The following RASAL2 variants were observed in gnomAD, a reference collection of about 807,000 sequenced individuals.
RASAL2 encodes the protein ras GTPase-activating protein nGAP.
In RASAL2, 58 loss-of-function variants were observed where a neutral mutation model predicts 128.9. That is an observed-to-expected ratio of 0.45 (90% CI 0.36 to 0.56). The LOEUF (loss-of-function observed/expected upper bound fraction) is 0.56. Ranked by LOEUF, RASAL2 falls within the 20% of genes least tolerant of loss-of-function variation. RASAL2 has a pLI of 0.00. For missense variants in RASAL2, 1,360 were observed against 1,601.6 expected (o/e 0.85, Z 2.57); for synonymous variants, 561 against 580.8 (o/e 0.97, Z 0.49).
chr1:178,366,942 A>G (rs1237267869), intron 3 of RASAL2, among the ~76,000 whole-genome samples: 2 of 152,162 alleles, frequency 1.3e-5, no homozygotes, highest in East Asian at 3.9e-4. Context: ...AGTGACTGCT[A>G]ATGGACACAG....
intron 9 of RASAL2, among the ~76,000 whole-genome samples, chr1:178,447,863 T>TG (rs1296118211): frequency 6.6e-6 from 1 of 151,542 alleles, no homozygotes; most frequent in Admixed American, 6.6e-5. Flanking sequence ...CAGAGAATTG[T>TG]GGGGTGTTGT....
intron 1 of RASAL2, among the ~76,000 whole-genome samples, chr1:178,229,068 A>C (rs575930111): frequency 1.3e-5 from 2 of 152,198 alleles, no homozygotes; most frequent in African/African-American, 4.8e-5. Flanking sequence ...AACTGTGTAC[A>C]GTTTGCCCCA....
intron 5 of RASAL2, among the ~76,000 whole-genome samples, chr1:178,421,930 T>C (rs1675168671): frequency 6.6e-6 from 1 of 152,062 alleles, no homozygotes; most frequent in East Asian, 1.9e-4. Flanking sequence ...TTTTCTTAGT[T>C]TCCTGTTATT....
At chr1:178,127,799 G>A (rs137945219) in intron 1 of RASAL2, among the ~76,000 whole-genome samples, 1 of 152,118 alleles carries the variant, frequency 6.6e-6, no homozygotes, top group Non-Finnish European at 1.5e-5. Context: ...CTGATCAGGA[G>A]AATTGTACAT....
intron 1 of RASAL2, among the ~76,000 whole-genome samples, chr1:178,209,674 CTTTTCTCTCT>C (rs1663185507): frequency 2.0e-5 from 3 of 151,714 alleles, no homozygotes; most frequent in South Asian, 4.2e-4. Context: ...TTTATATCTC[CTTTTCTCTCT>C]TTTTCTCTCT....
chr1:178,427,800 G>C (rs1675612135), intron 5 of RASAL2, among the ~76,000 whole-genome samples: 1 of 151,998 alleles, frequency 6.6e-6, no homozygotes, highest in South Asian at 2.1e-4. Flanking sequence ...GCATGTGTGT[G>C]TGTGTAGTTC....
At chr1:178,285,059 AC>A (rs759854815) in intron 2 of RASAL2, among the ~76,000 whole-genome samples, 145 of 150,650 alleles carry the variant, frequency 9.6e-4, no homozygotes, top group Non-Finnish European at 1.7e-3. Context: ...TACCAATAAA[AC>A]AATTCCAGTT....
At chr1:178,113,511 AGT>A (rs61642582) in intron 1 of RASAL2, among the ~76,000 whole-genome samples, 13,527 of 121,390 alleles carry the variant, frequency 0.11, 730 homozygotes, top group East Asian at 0.16. Context: ...CATGCCTGCG[AGT>A]GTGTGTGTGT....
At chr1:178,108,226 T>C (rs1320400067) in intron 1 of RASAL2, among the ~76,000 whole-genome samples, 1 of 152,220 alleles carries the variant, frequency 6.6e-6, no homozygotes, top group Non-Finnish European at 1.5e-5. Context: ...TTTTTATTGC[T>C]TATTGGCCAT....
intron 3 of RASAL2, among the ~76,000 whole-genome samples, chr1:178,326,689 C>T (rs376794793): frequency 1.3e-3 from 204 of 152,222 alleles, no homozygotes; most frequent in African/African-American, 4.7e-3. Flanking sequence ...GGATTACAGG[C>T]ATGTGCCACC....
At chr1:178,139,840 T>C (rs1049611348) in intron 1 of RASAL2, among the ~76,000 whole-genome samples, 1 of 152,118 alleles carries the variant, frequency 6.6e-6, no homozygotes, top group African/African-American at 2.4e-5. Context: ...TGATATTTCA[T>C]GATAAAAAGT....
chr1:178,305,498 C>T (rs1667944708), intron 3 of RASAL2, among the ~76,000 whole-genome samples: 1 of 152,122 alleles, frequency 6.6e-6, no homozygotes, highest in South Asian at 2.1e-4. Flanking sequence ...CACACACCTA[C>T]AGTGAACTCA....
In RASAL2 at chr1:178,135,499, A is replaced by T. The variant is rs894263289; in HGVS notation, c.202+40805A>T. On this transcript the variant is annotated intron_variant, in intron 1 of 17. Coordinates refer to ENST00000367649, the MANE Select transcript of RASAL2 (RefSeq NM_170692.4). ...TGTTGAAAATCTTGTCTCTTCATAA[A>T]AAAAAAAAAAAAAAAAAGCCATTTC... Among the ~76,000 whole-genome samples, 322 of 146,246 alleles carry T rather than the reference A, an allele frequency of 2.2e-3. 3 individuals are homozygous for T. The highest frequency in any genetic ancestry group is 8.1e-3 in the African/African-American group (308 of 37,988).
intron 12 of RASAL2, among the ~76,000 whole-genome samples, chr1:178,456,290 C>T (rs1260928110): frequency 6.6e-6 from 1 of 152,118 alleles, no homozygotes; most frequent in Non-Finnish European, 1.5e-5. Flanking sequence ...GAAAGTTTAT[C>T]ATACTAGTTG....
At chr1:178,189,502 A>G (rs1480797088) in intron 1 of RASAL2, among the ~76,000 whole-genome samples, 2 of 152,208 alleles carry the variant, frequency 1.3e-5, no homozygotes, top group Non-Finnish European at 2.9e-5. Context: ...TGGAAGCTTT[A>G]GAGTTATTTC....
intron 1 of RASAL2, among the ~76,000 whole-genome samples, chr1:178,152,833 G>C (rs1455775933): frequency 6.6e-6 from 1 of 152,114 alleles, no homozygotes; most frequent in Non-Finnish European, 1.5e-5. Context: ...TTACTTTCCA[G>C]TCACACCCTT....
At chr1:178,386,499 G>A (rs1239430686) in intron 3 of RASAL2, among the ~76,000 whole-genome samples, 2 of 152,152 alleles carry the variant, frequency 1.3e-5, no homozygotes, top group African/African-American at 2.4e-5. Flanking sequence ...AGCTGTATTG[G>A]AGGTTATCTC....
At chr1:178,413,523 G>GT (rs1378887102) in intron 4 of RASAL2, among the ~76,000 whole-genome samples, 1 of 152,166 alleles carries the variant, frequency 6.6e-6, no homozygotes, top group East Asian at 1.9e-4. Context: ...GTTTACTGCA[G>GT]TTCCTCTCAC....
intron 3 of RASAL2, among the ~76,000 whole-genome samples, chr1:178,333,584 G>A (rs1669447173): frequency 6.6e-6 from 1 of 151,974 alleles, no homozygotes; most frequent in African/African-American, 2.4e-5. Flanking sequence ...GGCATAAATG[G>A]GTTAAGACCA....
Sources: gnomAD v4.1 joint callset for allele counts (sites outside exome capture counted in the v4.1 genomes callset) on GRCh38, gnomAD v4.1.1 for gene constraint, MANE v1.5 for transcripts, NCBI Gene and HGNC (gene_info 2026-07-23, HGNC 2026-07-21) for gene names.